Variants in NXPE2 observed in about 807,000 individuals in gnomAD.
The protein encoded by NXPE2 is NXPE family member 2.
In NXPE2, 34 loss-of-function variants were observed where a neutral mutation model predicts 34.4. The ratio of observed to expected loss-of-function variants is 0.99; its 90% CI spans 0.75 to 1.31. The LOEUF is 1.31. Ranked by LOEUF, NXPE2 falls within the 40% of genes most tolerant of loss-of-function variation. NXPE2 has a pLI of 0.00. For synonymous variants in NXPE2, 235 were observed against 231.3 expected (o/e 1.02, Z -0.15); for missense variants, 649 against 672.5 (o/e 0.97, Z 0.39).
At chr11:114,806,086 G>A in the NXPE2 span, among the ~76,000 whole-genome samples, 2 of 152,210 alleles carry the variant, frequency 1.3e-5, no homozygotes, top group Non-Finnish European at 2.9e-5. Flanking sequence ...GGCAAACAGG[G>A]TCTGGAGTGG....
the NXPE2 span, among the ~76,000 whole-genome samples, chr11:114,775,892 CAAAA>C: frequency 2.5e-5 from 3 of 122,022 alleles, no homozygotes; most frequent in African/African-American, 8.2e-5. Flanking sequence ...AAAAAAAAAA[CAAAA>C]AAACCCAGCC....
the NXPE2 span, among the ~76,000 whole-genome samples, chr11:114,467,109 T>C: frequency 3.3e-5 from 5 of 152,236 alleles, no homozygotes; most frequent in African/African-American, 7.2e-5. Flanking sequence ...GTGATTTCAA[T>C]ATACTGTGCA....
the NXPE2 span, among the ~76,000 whole-genome samples, chr11:114,556,794 A>G: frequency 1.3e-5 from 2 of 151,554 alleles, no homozygotes; most frequent in Non-Finnish European, 2.9e-5. Context: ...TAGTCCATTT[A>G]TATTTCATAT....
chr11:114,768,295 G>A, the NXPE2 span, among the ~76,000 whole-genome samples: 1 of 152,182 alleles, frequency 6.6e-6, no homozygotes, highest in Non-Finnish European at 1.5e-5. Context: ...CCAGTACCAT[G>A]CTGTTTTGGT....
the NXPE2 span, among the ~76,000 whole-genome samples, chr11:114,794,851 G>GC: frequency 0.016 from 1,948 of 125,444 alleles, 37 homozygotes; most frequent in African/African-American, 0.047. Context: ...TTGCACCCCC[G>GC]CCCCCCCCAA....
At chr11:114,787,818 G>C in the NXPE2 span, among the ~76,000 whole-genome samples, 2 of 152,078 alleles carry the variant, frequency 1.3e-5, no homozygotes, top group Non-Finnish European at 2.9e-5. Context: ...CCTCAACTCT[G>C]CCCATCCCTC....
the NXPE2 span, among the ~76,000 whole-genome samples, chr11:114,657,647 G>C: frequency 6.6e-6 from 1 of 151,724 alleles, no homozygotes; most frequent in Non-Finnish European, 1.5e-5. Context: ...TAATATGATT[G>C]GTTTTCTTTA....
At chr11:114,680,046 T>C (rs1950922344) in intron 2 of NXPE2, among the ~76,000 whole-genome samples, 1 of 152,130 alleles carries the variant, frequency 6.6e-6, no homozygotes. Flanking sequence ...GCGTCAAAAT[T>C]CTCTCCTCCT....
intron 2 of NXPE2, among the ~76,000 whole-genome samples, chr11:114,686,522 T>C (rs1951051352): frequency 6.6e-6 from 1 of 152,180 alleles, no homozygotes; most frequent in South Asian, 2.1e-4. Context: ...CCACCATTGT[T>C]GGGCACCTGG....
chr11:114,778,319 C>T, the NXPE2 span, among the ~76,000 whole-genome samples: 1 of 152,150 alleles, frequency 6.6e-6, no homozygotes, highest in Non-Finnish European at 1.5e-5. Flanking sequence ...CAAAATCATG[C>T]AGGGTCTTGG....
the NXPE2 span, chr11:114,580,423 T>C: frequency 2.7e-6 from 3 of 1,115,566 alleles, no homozygotes; most frequent in Admixed American, 1.8e-5. Context: ...CCTCTAAGTA[T>C]CCTAAGAGGG....
chr11:114,472,613 T>A, the NXPE2 span, among the ~76,000 whole-genome samples: 206 of 152,150 alleles, frequency 1.4e-3, 1 homozygote, highest in African/African-American at 4.6e-3. Context: ...TTTCTCACAG[T>A]TCTAGAGGCT....
chr11:114,494,304 A>G, the NXPE2 span, among the ~76,000 whole-genome samples: 6 of 152,150 alleles, frequency 3.9e-5, no homozygotes, highest in South Asian at 1.2e-3. Flanking sequence ...CTATCTCGTT[A>G]TCCACCTCCT....
the NXPE2 span, among the ~76,000 whole-genome samples, chr11:114,600,162 T>G: frequency 6.6e-6 from 1 of 152,144 alleles, no homozygotes; most frequent in South Asian, 2.1e-4. Flanking sequence ...CACCAATATA[T>G]TTATAATTTC....
the NXPE2 span, among the ~76,000 whole-genome samples, chr11:114,570,044 T>C: frequency 6.6e-6 from 1 of 152,096 alleles, no homozygotes; most frequent in African/African-American, 2.4e-5. Context: ...ATGTAAGAAA[T>C]GTTGTAATGC....
At chr11:114,632,974 T>G in the NXPE2 span, among the ~76,000 whole-genome samples, 11 of 103,790 alleles carry the variant, frequency 1.1e-4, no homozygotes, top group Non-Finnish European at 1.9e-4. Context: ...ATATATTATA[T>G]ATTATATATT....
the NXPE2 span, among the ~76,000 whole-genome samples, chr11:114,661,155 T>C: frequency 6.6e-6 from 1 of 152,198 alleles, no homozygotes; most frequent in Admixed American, 6.5e-5. Context: ...AGGTTCAATA[T>C]GATTAGGATA....
chr11:114,640,595 TCAC>T, the NXPE2 span, among the ~76,000 whole-genome samples: 480 of 152,104 alleles, frequency 3.2e-3, 5 homozygotes, highest in African/African-American at 0.011. Context: ...TGTTCCCTTT[TCAC>T]CACATCTTCA....
chr11:114,598,511 A>G, the NXPE2 span, among the ~76,000 whole-genome samples: 1 of 152,238 alleles, frequency 6.6e-6, no homozygotes, highest in Admixed American at 6.5e-5. Context: ...CTGCCTGGAC[A>G]TATAGGCTTT....
Sources: allele counts gnomAD v4.1 joint callset (sites outside exome capture counted in the v4.1 genomes callset), GRCh38; gene constraint gnomAD v4.1.1; transcripts MANE v1.5; gene names NCBI Gene and HGNC (gene_info 2026-07-23, HGNC 2026-07-21).